SHISA7: variants seen among roughly 807,000 people sequenced by gnomAD.
The protein encoded by SHISA7 is shisa family member 7.
SHISA7 carries 6 observed loss-of-function variants against 23.9 expected under a neutral mutation model. That is an observed-to-expected ratio of 0.25 (90% confidence interval 0.14 to 0.50). SHISA7 has a LOEUF of 0.50. Ranked by LOEUF, SHISA7 falls within the 20% of genes least tolerant of loss-of-function variation. The pLI is 0.98. For synonymous variants in SHISA7, 386 were observed against 398.3 expected (o/e 0.97, Z 0.37); for missense variants, 671 against 801.1 (o/e 0.84, Z 1.96).
chr19:55,441,362 G>A (rs887537606), intron 1 of SHISA7, among the ~76,000 whole-genome samples: 2 of 152,138 alleles, frequency 1.3e-5, no homozygotes, highest in Middle Eastern at 3.2e-3. Flanking sequence ...CATCACGCCC[G>A]AGCTCAGGAC....
rs1985623902 is a variant in SHISA7 at position 55,442,653 on chromosome 19, C to T, written c.211G>A (p.Ala71Thr). Reference sequence around the variant, plus strand: ...GCGGGAGGGGGCGCCCGGGCCGCCGCGCCCGCCCCGCCCGCGGGGCCGGTC... The same window carrying T: ...GCGGGAGGGGGCGCCCGGGCCGCCGTGCCCGCCCCGCCCGCGGGGCCGGTC... The part of the protein sequence containing the change: ...TRTGPAGGAG[A>T]AARAPPPAEL... The change falls in exon 1 of 4, where the codon GCG becomes ACG. Residue 71 changes from alanine (A) to threonine (T), a missense_variant. By Grantham distance (58) the Ala-to-Thr change is moderately conservative. Coordinates refer to ENST00000376325, the MANE Select transcript of SHISA7 (RefSeq NM_001145176.2). 7.8e-7 allele frequency: 1 copy of T among 1,279,810 alleles called. No homozygotes were observed. The highest frequency in any genetic ancestry group is 1.6e-5 in the African/African-American group (1 of 61,710). 79.3% of individuals were successfully genotyped at this position (1,279,810 alleles called of 1,614,324 possible).
At chr19:55,436,541 T>G (rs1985465427) in intron 3 of SHISA7, among the ~76,000 whole-genome samples, 1 of 150,846 alleles carries the variant, frequency 6.6e-6, no homozygotes, top group African/African-American at 2.4e-5. Context: ...AGGCGGAGAT[T>G]GCAGTGAGCC....
In SHISA7 at chr19:55,430,954, AGAT is replaced by A. The variant is rs755667730; in HGVS notation, c.*2199_*2201del. 1.1e-4 allele frequency: 17 copies of A among 149,914 alleles called. No homozygotes were observed. Among genetic ancestry groups the A allele is most frequent in the East Asian group, 4.0e-4 (2 of 5,024 alleles). The allele number at this position is 149,914 out of a possible 1,614,324, so 9.3% of individuals were successfully genotyped here. A position where few individuals can be genotyped will look rare whatever the true frequency, so the allele number is the denominator to read the frequency against. ...AGCACTGGACCTCATGGATCACAGG[AGAT>A]GATGACACCAGGGTCATGGTGGATC... On this transcript the variant is annotated 3_prime_UTR_variant, in exon 4 of 4. Coordinates refer to ENST00000376325, the MANE Select transcript of SHISA7 (RefSeq NM_001145176.2).
chr19:55,434,629 GGT>G (rs753573740), intron 3 of SHISA7, among the ~76,000 whole-genome samples: 7 of 97,122 alleles, frequency 7.2e-5, no homozygotes, highest in Non-Finnish European at 1.2e-4. Flanking sequence ...GTGTGTGTGT[GGT>G]GTGTGTGGTT....
intron 3 of SHISA7, among the ~76,000 whole-genome samples, chr19:55,434,742 ATGTGGTGTG>A (rs1453690204): frequency 0.012 from 451 of 36,470 alleles, 13 homozygotes; most frequent in Middle Eastern, 0.033. Context: ...TGTGGTGTAT[ATGTGGTGTG>A]TGTGGTGTGT....
rs1414739225 is a variant in SHISA7, at chr19:55,433,401, G to T, written c.1372C>A (p.Pro458Thr). The T allele has an allele frequency of 3.8e-5, 50 of 1,325,762 alleles. No individual in the cohort carries two copies. The highest frequency in any genetic ancestry group is 4.8e-5 in the Non-Finnish European group (50 of 1,046,474). The allele number at this position is 1,325,762 out of a possible 1,614,324, so 82.1% of individuals were successfully genotyped here. A position where few individuals can be genotyped will look rare whatever the true frequency, so the allele number is the denominator to read the frequency against. ...CGCAGCGGTGTTGGGGGCCCCCCGG[G>T]CCCCAGCAGCAGGTTGGAGTGCGAG... The part of the protein sequence containing the change: ...AASHSNLLLG[P>T]GGPPTPLRGL... Residue 458 changes from proline to threonine, a missense_variant, in exon 4 of 4, where the codon CCC (proline) becomes ACC (threonine). By Grantham distance (38) the Pro-to-Thr change is conservative. This residue lies in a region of SHISA7 where 457 missense variants were observed against 488.3 expected (regional missense o/e 0.94). Transcript: ENST00000376325. The surrounding 1 kb of genome is among the most constrained non-coding windows in gnomAD (Gnocchi z 8.4).
In SHISA7 at chr19:55,437,452, G is replaced by C. The variant is rs932990621; in HGVS notation, c.976+153C>G. 2.6e-5 allele frequency among the ~76,000 whole-genome samples: 4 copies of C among 152,128 alleles called. No homozygotes were observed. The East Asian group carries it at 5.8e-4, about 22-fold the overall frequency. Reference sequence around the variant, plus strand: ...AATCAGAAGTGATTCTGATACAAAAGTACCACAGGTAATTCCAGAACGAAC... The same window carrying C: ...AATCAGAAGTGATTCTGATACAAAACTACCACAGGTAATTCCAGAACGAAC... On this transcript the variant is annotated intron_variant, in intron 3 of 3. Transcript: ENST00000376325.
intron 2 of SHISA7, among the ~76,000 whole-genome samples, chr19:55,439,672 C>A (rs1985549631): frequency 2.0e-5 from 3 of 152,228 alleles, no homozygotes; most frequent in Non-Finnish European, 4.4e-5. Context: ...CTCCTCCAGG[C>A]CTTTGCTCAA....
At chr19:55,440,059 C>A (rs989291263) in intron 2 of SHISA7, among the ~76,000 whole-genome samples, 8 of 151,514 alleles carry the variant, frequency 5.3e-5, no homozygotes, top group African/African-American at 1.9e-4. Context: ...AGCAACAGCC[C>A]ACACTTACAT....
At chr19:55,435,329 G>GTA in intron 3 of SHISA7, among the ~76,000 whole-genome samples, 1 of 129,442 alleles carries the variant, frequency 7.7e-6, no homozygotes, top group East Asian at 2.8e-4. Context: ...GTGGGTGTGT[G>GTA]TGGTGTGTGT....
In SHISA7 at chr19:55,433,321, G is replaced by A. The variant is rs1405481664; in HGVS notation, c.1452C>T (p.Gly484=). The part of the protein sequence containing the change: ...LHAHHHHALH[G]SPQPAWMSDA... Reference sequence around the variant, plus strand: ...CGGACATCCAGGCCGGCTGCGGCGAGCCGTGCAGGGCGTGGTGGTGGTGGG... The same window carrying A: ...CGGACATCCAGGCCGGCTGCGGCGAACCGTGCAGGGCGTGGTGGTGGTGGG... Residue 484 remains glycine, a synonymous_variant, in exon 4 of 4, where the codon GGC becomes GGT. Transcript: ENST00000376325. This position sits in a 1 kb window ranked among gnomAD's most constrained non-coding sequence, Gnocchi z 8.4. 98 of 1,469,680 alleles carry A rather than the reference G, an allele frequency of 6.7e-5. No individual in the cohort carries two copies. The highest frequency in any genetic ancestry group is 8.6e-5 in the Non-Finnish European group (96 of 1,120,040). The allele number at this position is 1,469,680 out of a possible 1,614,324, so 91.0% of individuals were successfully genotyped here. A position where few individuals can be genotyped will look rare whatever the true frequency, so the allele number is the denominator to read the frequency against.
At chr19:55,434,459 TGTG>T (rs1280897362) in intron 3 of SHISA7, among the ~76,000 whole-genome samples, 1 of 105,990 alleles carries the variant, frequency 9.4e-6, no homozygotes, top group Admixed American at 1.0e-4. Flanking sequence ...GGTGTGTGGT[TGTG>T]TGGTGTGTGT....
rs1985235516 is a variant in SHISA7 at position 55,432,633 on chromosome 19, A to G, written c.*523T>C. The G allele has an allele frequency of 6.5e-6, 1 of 152,936 alleles. No homozygotes were observed. Among genetic ancestry groups the G allele is most frequent in the Non-Finnish European group, 1.5e-5 (1 of 68,266 alleles). The allele number at this position is 152,936 out of a possible 1,614,324, so 9.5% of individuals were successfully genotyped here. A position where few individuals can be genotyped will look rare whatever the true frequency, so the allele number is the denominator to read the frequency against. The stretch of plus-strand genomic sequence containing the variant: ...TCTGCTGCAAAGACACAGGGAGAAA[A>G]TATCTTCCCCATGGCGATGATGCCA... On this transcript the variant is annotated 3_prime_UTR_variant, in exon 4 of 4. Transcript: ENST00000376325. The surrounding 1 kb of genome is among the most constrained non-coding windows in gnomAD (Gnocchi z 4.6).
chr19:55,440,764 C>T lies in SHISA7; in HGVS notation c.673G>A (p.Ala225Thr). 8.0e-7 allele frequency: 1 copy of T among 1,242,566 alleles called. No homozygotes were observed. 77.0% of individuals were successfully genotyped at this position (1,242,566 alleles called of 1,614,324 possible). The change falls in exon 2 of 4, where the codon GCT becomes ACT. Residue 225 changes from alanine to threonine, a missense_variant and splice_region_variant. Ala to Thr is a moderately conservative substitution (Grantham distance 58). Coordinates refer to ENST00000376325, the MANE Select transcript of SHISA7 (RefSeq NM_001145176.2). ...RAHRDINVPR[A>T]LVDILRHQAG... The stretch of plus-strand genomic sequence containing the variant: ...TGATGTCTCAGAATGTCCACCAGAG[C>T]TCTAAAGGTGGCAGAGAGGTGGTCA...
chr19:55,433,885 GCTCCTTGTGCCCCCA>G lies in SHISA7; in HGVS notation c.977-104_977-90del. On this transcript the variant is annotated intron_variant, in intron 3 of 3. Transcript: ENST00000376325. The surrounding 1 kb of genome is among the most constrained non-coding windows in gnomAD (Gnocchi z 8.4). ...CCACCTCGTCACATCCCGCTCCTAT[GCTCCTTGTGCCCCCA>G]CAAGGATCCTGGGCATCAGGCTAGC... 3 of 1,299,722 alleles carry G rather than the reference GCTCCTTGTGCCCCCA, an allele frequency of 2.3e-6. No individual in the cohort carries two copies. Among genetic ancestry groups the G allele is most frequent in the Non-Finnish European group, 2.9e-6 (3 of 1,017,270 alleles). The allele number at this position is 1,299,722 out of a possible 1,614,324, so 80.5% of individuals were successfully genotyped here. A position where few individuals can be genotyped will look rare whatever the true frequency, so the allele number is the denominator to read the frequency against.
intron 2 of SHISA7, chr19:55,438,459 T>C: frequency 9.5e-7 from 1 of 1,047,458 alleles, no homozygotes; most frequent in Non-Finnish European, 1.3e-6. Flanking sequence ...CTCACAGGGG[T>C]CTCACTCCTG....
At chr19:55,437,829 G>A (rs879689817) in intron 2 of SHISA7, 75 bp from the exon 3 acceptor site, 2 of 1,366,452 alleles carry the variant, frequency 1.5e-6, no homozygotes, top group African/African-American at 3.7e-5. Flanking sequence ...CCCAGCCCCT[G>A]CTCCATCAGA....
In SHISA7 at chr19:55,440,707, G is replaced by T; in HGVS notation, c.730C>A (p.Arg244=). Residue 244 remains arginine, a synonymous_variant, in exon 2 of 4, where the codon CGA becomes AGA. Transcript: ENST00000376325. ...ATCCCCGGGGTCAGGGAGCTGCTTC[G>T]GGCCCGGTCCGGGCGGGTCCCAGGC... ...AGPGTRPDRA[R]SSSLTPGIGG... The T allele has an allele frequency of 1.6e-6, 2 of 1,249,100 alleles. No homozygotes were observed. Among genetic ancestry groups the T allele is most frequent in the Non-Finnish European group, 2.0e-6 (2 of 988,440 alleles). 77.4% of individuals were successfully genotyped at this position (1,249,100 alleles called of 1,614,324 possible).
At position 55,435,204 on chromosome 19, in the gene SHISA7, GGTGT is replaced by G. The variant is rs998294748; in HGVS notation, c.977-1412_977-1409del. Among the ~76,000 whole-genome samples, 16 of 131,756 alleles carry G rather than the reference GGTGT, an allele frequency of 1.2e-4. No homozygotes were observed. The East Asian group carries it at 3.9e-3, about 32-fold the overall frequency. The allele number at this position is 131,756 out of a possible 152,430, so 86.4% of individuals were successfully genotyped here. On this transcript the variant is annotated intron_variant, in intron 3 of 3. Coordinates refer to ENST00000376325, the MANE Select transcript of SHISA7 (RefSeq NM_001145176.2). ...GGTTGTGTGGTGTGTATGTGTGTGTGGTGTGTGTATGGTGTGTGTGTATGTGTGT... is the reference window on the plus strand; with the variant it reads ...GGTTGTGTGGTGTGTATGTGTGTGTGGTGTATGGTGTGTGTGTATGTGTGT...
Sources: gnomAD v4.1 joint callset for allele counts (sites outside exome capture counted in the v4.1 genomes callset) on GRCh38, gnomAD v4.1.1 for gene constraint, gnomAD v4.1.1 regional missense constraint, Gnocchi (gnomAD v3.1) non-coding constraint, MANE v1.5 for transcripts, NCBI Gene and HGNC (gene_info 2026-07-23, HGNC 2026-07-21) for gene names.